Variants in DGKB observed in about 807,000 individuals in gnomAD.
The protein encoded by DGKB is diacylglycerol kinase beta, also known as 90 kDa diacylglycerol kinase.
A neutral mutation model predicts 114.3 loss-of-function variants in DGKB; 67 were observed. The ratio of observed to expected loss-of-function variants is 0.59; its 90% CI spans 0.48 to 0.72. DGKB has a LOEUF of 0.72. Ranked by LOEUF, DGKB falls within the 30% of genes least tolerant of loss-of-function variation. The pLI is 0.00. For missense variants in DGKB, 907 were observed against 975.2 expected, an observed-to-expected ratio of 0.93 and a Z score of 0.93; for synonymous variants, 398 against 323.1, an observed-to-expected ratio of 1.23 and a Z score of -2.49.
chr7:14,851,468 CATAGGGATAGAAT>C (rs1849340870), intron 1 of DGKB, among the ~76,000 whole-genome samples: 1 of 151,862 alleles, frequency 6.6e-6, no homozygotes, highest in Non-Finnish European at 1.5e-5. Context: ...AGATTCTATC[CATAGGGATAGAAT>C]CTTCTCAATA....
intron 1 of DGKB, among the ~76,000 whole-genome samples, chr7:14,912,355 A>G (rs943629660): frequency 4.6e-5 from 7 of 152,150 alleles, no homozygotes; most frequent in Non-Finnish European, 7.3e-5. Context: ...GCATCAGGTA[A>G]GCAGAATTCA....
intron 21 of DGKB, among the ~76,000 whole-genome samples, chr7:14,438,426 A>T (rs370209867): frequency 1.3e-5 from 2 of 152,144 alleles, no homozygotes; most frequent in Admixed American, 1.3e-4. Flanking sequence ...AACATTATTT[A>T]AAAAGGATCA....
intron 21 of DGKB, among the ~76,000 whole-genome samples, chr7:14,407,690 T>C (rs1002895473): frequency 1.3e-5 from 2 of 152,000 alleles, no homozygotes; most frequent in African/African-American, 4.8e-5. Context: ...TTCTAATGAG[T>C]TGTATTATAA....
chr7:14,581,985 T>C (rs543402040), intron 18 of DGKB, among the ~76,000 whole-genome samples: 3 of 152,346 alleles, frequency 2.0e-5, no homozygotes, highest in East Asian at 1.9e-4. Context: ...TATTAGTAGA[T>C]TAAAGCTGTT....
intron 7 of DGKB, among the ~76,000 whole-genome samples, chr7:14,699,708 G>A (rs1824762636): frequency 2.0e-5 from 3 of 151,952 alleles, no homozygotes; most frequent in South Asian, 4.1e-4. Flanking sequence ...TGACAGCGAA[G>A]GAAAAATATT....
intron 1 of DGKB, among the ~76,000 whole-genome samples, chr7:14,954,422 G>T (rs1786384043): frequency 6.6e-6 from 1 of 152,014 alleles, no homozygotes; most frequent in Non-Finnish European, 1.5e-5. Context: ...GCCTTGCAAG[G>T]CCTCTAATTT....
intron 23 of DGKB, among the ~76,000 whole-genome samples, chr7:14,204,975 T>G (rs1554286246): frequency 1.3e-5 from 2 of 152,058 alleles, no homozygotes; most frequent in Non-Finnish European, 2.9e-5. Flanking sequence ...TCAAGAAATA[T>G]CCTATGTTTT....
intron 21 of DGKB, among the ~76,000 whole-genome samples, chr7:14,369,679 T>G (rs559130795): frequency 6.6e-6 from 1 of 152,198 alleles, no homozygotes; most frequent in South Asian, 2.1e-4. Context: ...CAGTGATGAT[T>G]ATCTTTTTTT....
At chr7:14,873,449 G>A (rs2128201028) in intron 1 of DGKB, among the ~76,000 whole-genome samples, 1 of 152,056 alleles carries the variant, frequency 6.6e-6, no homozygotes, top group African/African-American at 2.4e-5. Context: ...AAGATATAAG[G>A]CAGGAAGATA....
intron 23 of DGKB, among the ~76,000 whole-genome samples, chr7:14,276,651 A>T (rs1437407089): frequency 6.7e-6 from 1 of 149,224 alleles, no homozygotes; most frequent in Admixed American, 6.6e-5. Flanking sequence ...ATGGTTTCTA[A>T]TTTTTTGGTG....
At chr7:14,603,321 A>AT (rs1803908278) in intron 17 of DGKB, among the ~76,000 whole-genome samples, 1 of 151,960 alleles carries the variant, frequency 6.6e-6, no homozygotes, top group Non-Finnish European at 1.5e-5. Context: ...AGTAAAGAAA[A>AT]TTTTTTATTT....
chr7:14,287,966 G>C (rs1420340062), intron 23 of DGKB, among the ~76,000 whole-genome samples: 3 of 152,024 alleles, frequency 2.0e-5, no homozygotes, highest in African/African-American at 7.2e-5. Context: ...GAATACACTG[G>C]ACCATATAAT....
At chr7:14,584,435 TCATTTCCTTGCAACCACAAAACACTA>T (rs1216295500) in intron 17 of DGKB, among the ~76,000 whole-genome samples, 1 of 152,182 alleles carries the variant, frequency 6.6e-6, no homozygotes, top group Non-Finnish European at 1.5e-5. Context: ...ATGCAAGGAT[TCATTTCCTTGCAACCACAAAACACTA>T]CATATGAACA....
intron 20 of DGKB, among the ~76,000 whole-genome samples, chr7:14,492,482 A>G (rs879761437): frequency 4.6e-5 from 7 of 152,126 alleles, no homozygotes; most frequent in Non-Finnish European, 1.0e-4. Flanking sequence ...GTCTTCATGC[A>G]AGGAAAATTA....
At chr7:14,774,677 G>A (rs992117349) in intron 2 of DGKB, among the ~76,000 whole-genome samples, 4 of 152,014 alleles carry the variant, frequency 2.6e-5, no homozygotes, top group African/African-American at 9.7e-5. Flanking sequence ...CAAATTATTC[G>A]ATTTTCTCAG....
intron 20 of DGKB, among the ~76,000 whole-genome samples, chr7:14,544,592 T>C (rs1306805888): frequency 6.6e-6 from 1 of 152,166 alleles, no homozygotes; most frequent in East Asian, 1.9e-4. Flanking sequence ...ACATTGCTGA[T>C]ACACAAGTCA....
At chr7:14,463,036 C>T (rs1316753896) in intron 21 of DGKB, among the ~76,000 whole-genome samples, 2 of 152,120 alleles carry the variant, frequency 1.3e-5, no homozygotes, top group African/African-American at 2.4e-5. Context: ...ACTGGCCAGC[C>T]ATATGCAGGA....
intron 23 of DGKB, among the ~76,000 whole-genome samples, chr7:14,313,554 C>G (rs552295357): frequency 6.6e-6 from 1 of 152,160 alleles, no homozygotes; most frequent in East Asian, 1.9e-4. Context: ...CACTCCCACC[C>G]GAATACTGCG....
At chr7:14,453,667 C>T (rs1296607071) in intron 21 of DGKB, among the ~76,000 whole-genome samples, 1 of 152,140 alleles carries the variant, frequency 6.6e-6, no homozygotes, top group Non-Finnish European at 1.5e-5. Flanking sequence ...TACAGTTTTT[C>T]ATCTATCACA....
Sources: gnomAD v4.1 joint callset for allele counts (sites outside exome capture counted in the v4.1 genomes callset) on GRCh38, gnomAD v4.1.1 for gene constraint, MANE v1.5 for transcripts, NCBI Gene and HGNC (gene_info 2026-07-23, HGNC 2026-07-21) for gene names.